Variants in FGFR1 observed in about 807,000 individuals in gnomAD.
FGFR1 encodes FGFR1/PLAG1 fusion.
In FGFR1, 18 loss-of-function variants were observed where a neutral mutation model predicts 93.7. The ratio of observed to expected loss-of-function variants is 0.19; its 90% CI spans 0.13 to 0.28. The LOEUF is 0.28. Among genes scored for constraint, FGFR1 ranks in the 10% least tolerant of loss-of-function variants. FGFR1 has a pLI of 1.00. For missense variants in FGFR1, 731 were observed against 1,080.4 expected, an observed-to-expected ratio of 0.68 and a Z score of 4.53; for synonymous variants, 448 against 429.3, an observed-to-expected ratio of 1.04 and a Z score of -0.54.
In FGFR1 at chr8:38,418,389, G is replaced by A. The variant is rs1213595338; in HGVS notation, c.1285-16C>T. ...CAGCAGACACCTGCAAGGAAGAGTG[G>A]GGTCACCCTAGAGCAAGGAGGGGGG... On this transcript the variant is annotated splice_polypyrimidine_tract_variant and intron_variant, in intron 9 of 17. Coordinates refer to ENST00000447712, the MANE Select transcript of FGFR1 (RefSeq NM_023110.3). 1 of 1,612,192 alleles carries A rather than the reference G, an allele frequency of 6.2e-7. No individual in the cohort carries two copies. The highest frequency in any genetic ancestry group is 2.2e-5 in the East Asian group (1 of 44,800).
At chr8:38,414,105 T>C (rs2150527927) in intron 16 of FGFR1, 47 bp downstream of exon 16, 2 of 1,614,140 alleles carry the variant, frequency 1.2e-6, no homozygotes, top group East Asian at 2.2e-5. Context: ...AAGCCCACTC[T>C]TGCCCCAAGG....
chr8:38,450,948 GTCCTCCCTGTCCAGC>G lies in FGFR1; in HGVS notation c.91+6393_91+6407del, dbSNP rs894261029. 4.6e-5 allele frequency among the ~76,000 whole-genome samples: 7 copies of G among 152,206 alleles called. No individual in the cohort carries two copies. The East Asian group carries it at 1.2e-3, about 25-fold the overall frequency. ...CATTCTCTCACAGGCCGAGGGCTGGGTCCTCCCTGTCCAGCTCTGAACACTTGCAAACACCCCTTC... is the reference window on the plus strand; with the variant it reads ...CATTCTCTCACAGGCCGAGGGCTGGGTCTGAACACTTGCAAACACCCCTTC... On this transcript the variant is annotated intron_variant, in intron 2 of 17. Coordinates refer to ENST00000447712, the MANE Select transcript of FGFR1 (RefSeq NM_023110.3).
intron 1 of FGFR1, chr8:38,458,848 A>G (rs1404112059): frequency 1.4e-5 from 3 of 220,732 alleles, no homozygotes; most frequent in South Asian, 1.8e-4. Flanking sequence ...GCTACTTACA[A>G]AGAGCCTAAG....
intron 2 of FGFR1, among the ~76,000 whole-genome samples, chr8:38,444,433 G>A (rs1490387306): frequency 6.6e-6 from 1 of 150,838 alleles, no homozygotes; most frequent in African/African-American, 2.4e-5. Flanking sequence ...CTGTAGCCCA[G>A]GCTAAAGAAC....
At chr8:38,449,393 G>A (rs903132484) in intron 2 of FGFR1, among the ~76,000 whole-genome samples, 15 of 152,132 alleles carry the variant, frequency 9.9e-5, no homozygotes, top group African/African-American at 3.6e-4. Flanking sequence ...AAATGAATGA[G>A]TGAAAAAAAA....
intron 2 of FGFR1, among the ~76,000 whole-genome samples, chr8:38,444,730 T>A (rs1324835374): frequency 6.6e-6 from 1 of 152,042 alleles, no homozygotes; most frequent in Admixed American, 6.6e-5. Flanking sequence ...TGTGGCTCTG[T>A]GGTAGCCAGG....
At chr8:38,423,231 C>CTGAG (rs1299897238) in intron 7 of FGFR1, 3 of 765,372 alleles carry the variant, frequency 3.9e-6, no homozygotes, top group Non-Finnish European at 7.3e-6. Flanking sequence ...TGTGGCCACG[C>CTGAG]ACGTTGCTCC....
chr8:38,414,184 G>T lies in FGFR1; in HGVS notation c.2154C>A (p.Arg718=), dbSNP rs2150531672. ...ELFKLLKEGH[R]MDKPSNCTNE... is the part of the protein sequence containing the mutation. The stretch of plus-strand genomic sequence containing the variant: ...TGGTGCAGTTACTGGGCTTGTCCAT[G>T]CGGTGACCCTCCTTCAGCAGCTTGA... The change falls in exon 16 of 18, where the codon CGC becomes CGA. Residue 718 remains arginine, a synonymous_variant. Coordinates refer to ENST00000447712, the MANE Select transcript of FGFR1 (RefSeq NM_023110.3). 1 of 1,614,200 alleles carries T rather than the reference G, an allele frequency of 6.2e-7. No homozygotes were observed. Among genetic ancestry groups the T allele is most frequent in the Middle Eastern group, 1.6e-4 (1 of 6,062 alleles).
intron 1 of FGFR1, 30 bp from the exon 2 acceptor site, chr8:38,457,564 A>G: frequency 6.5e-7 from 1 of 1,547,482 alleles, no homozygotes; most frequent in African/African-American, 1.4e-5. Context: ...CCCAAAAGTT[A>G]GGAGGGTCTA....
At chr8:38,439,977 A>C (rs1826832617) in intron 2 of FGFR1, among the ~76,000 whole-genome samples, 1 of 152,120 alleles carries the variant, frequency 6.6e-6, no homozygotes. Context: ...CCCCAACAAA[A>C]TCCAGGCATC....
intron 2 of FGFR1, among the ~76,000 whole-genome samples, chr8:38,454,184 C>A (rs35392839): frequency 4.5e-4 from 68 of 152,094 alleles, no homozygotes; most frequent in Non-Finnish European, 7.5e-4. Context: ...CCTGCCCCAG[C>A]AGCTTCCGTG....
chr8:38,433,119 T>C (rs184976381), intron 2 of FGFR1, among the ~76,000 whole-genome samples: 1 of 152,190 alleles, frequency 6.6e-6, no homozygotes, highest in East Asian at 1.9e-4. Context: ...AGGAGGCTCA[T>C]TTGAGCCCAG....
intron 1 of FGFR1, among the ~76,000 whole-genome samples, chr8:38,462,740 A>C (rs1834688449): frequency 6.6e-6 from 1 of 151,618 alleles, no homozygotes; most frequent in Non-Finnish European, 1.5e-5. Flanking sequence ...AGTAGCTGGG[A>C]TTACAGACAT....
chr8:38,451,783 G>A (rs1233814799), intron 2 of FGFR1, among the ~76,000 whole-genome samples: 3 of 152,020 alleles, frequency 2.0e-5, no homozygotes, highest in Admixed American at 6.6e-5. Flanking sequence ...CTGAAAAGGG[G>A]GCAGGACCCC....
chr8:38,452,200 GAC>G (rs3051753), intron 2 of FGFR1, among the ~76,000 whole-genome samples: 7,321 of 139,008 alleles, frequency 0.053, 249 homozygotes, highest in African/African-American at 0.1. Flanking sequence ...CAGACACACA[GAC>G]ACACACACAC....
intron 9 of FGFR1, 92 bp from the exon 10 acceptor site, chr8:38,418,465 G>A: frequency 7.1e-7 from 1 of 1,410,832 alleles, no homozygotes; most frequent in East Asian, 2.5e-5. Flanking sequence ...CAATGGCAGA[G>A]GCACATGTCT....
At chr8:38,445,704 A>ATT (rs538025771) in intron 2 of FGFR1, among the ~76,000 whole-genome samples, 30 of 135,556 alleles carry the variant, frequency 2.2e-4, no homozygotes, top group Admixed American at 6.7e-4. Context: ...ACGCCCGGTT[A>ATT]TTTTTTTTTT....
rs918607188 is a variant in FGFR1, at chr8:38,468,363, G to T, written c.-471C>A. On this transcript the variant is annotated 5_prime_UTR_variant, in exon 1 of 18. Transcript: ENST00000447712. Reference sequence around the variant, plus strand: ...CGTGCCCGACTGCAGCACGGGTACCGTGCGCCCTGCGGGGCGCCCCGAGCT... The same window carrying T: ...CGTGCCCGACTGCAGCACGGGTACCTTGCGCCCTGCGGGGCGCCCCGAGCT... The T allele has an allele frequency of 4.4e-6, 1 of 228,318 alleles. No homozygotes were observed. Among genetic ancestry groups the T allele is most frequent in the Non-Finnish European group, 8.7e-6 (1 of 114,674 alleles). The allele number at this position is 228,318 out of a possible 1,614,324, so 14.1% of individuals were successfully genotyped here. A position where few individuals can be genotyped will look rare whatever the true frequency, so the allele number is the denominator to read the frequency against.
chr8:38,427,198 G>A (rs1162738498), intron 5 of FGFR1, among the ~76,000 whole-genome samples: 1 of 152,038 alleles, frequency 6.6e-6, no homozygotes, highest in Non-Finnish European at 1.5e-5. Context: ...AATGCTGACA[G>A]AGATTCACTG....
Sources: allele counts gnomAD v4.1 joint callset (sites outside exome capture counted in the v4.1 genomes callset), GRCh38; gene constraint gnomAD v4.1.1; transcripts MANE v1.5; gene names NCBI Gene and HGNC (gene_info 2026-07-23, HGNC 2026-07-21).